Variants in PLXNA4 observed in about 807,000 individuals in gnomAD.
PLXNA4 encodes the protein plexin A4, also known as plexin-A4.
A neutral mutation model predicts 191.8 loss-of-function variants in PLXNA4; 44 were observed. The ratio of observed to expected loss-of-function variants is 0.23; its 90% CI spans 0.18 to 0.29. The LOEUF is 0.29. Ranked by LOEUF, PLXNA4 falls within the 10% of genes least tolerant of loss-of-function variation. The pLI is 1.00. For missense variants in PLXNA4, 1,800 were observed against 2,488.8 expected, an observed-to-expected ratio of 0.72 and a Z score of 5.89; for synonymous variants, 1,082 against 1,009.5, an observed-to-expected ratio of 1.07 and a Z score of -1.36.
At chr7:132,560,266 C>A (rs1465773021) in intron 1 of PLXNA4, among the ~76,000 whole-genome samples, 2 of 152,174 alleles carry the variant, frequency 1.3e-5, no homozygotes, top group Non-Finnish European at 2.9e-5. Flanking sequence ...GGCCCAGGTG[C>A]GCTCTGTTCC....
chr7:132,535,234 T>G (rs1346807212), intron 1 of PLXNA4, among the ~76,000 whole-genome samples: 1 of 152,256 alleles, frequency 6.6e-6, no homozygotes, highest in Non-Finnish European at 1.5e-5. Flanking sequence ...TCATTAATGA[T>G]GAACCTCCCA....
upstream of PLXNA4, among the ~76,000 whole-genome samples, chr7:132,582,292 G>A (rs914893740): frequency 1.5e-4 from 23 of 152,304 alleles, no homozygotes; most frequent in South Asian, 4.1e-4. Flanking sequence ...AGATGGATTC[G>A]TGCTGATGGG....
chr7:132,302,979 C>T lies in PLXNA4; in HGVS notation c.1372-4757G>A, dbSNP rs180928058. 1.1e-4 allele frequency among the ~76,000 whole-genome samples: 16 copies of T among 152,148 alleles called. No homozygotes were observed. In the East Asian group the frequency reaches 1.6e-3, roughly 15 times the overall value. On this transcript the variant is annotated intron_variant, in intron 3 of 31. Transcript: ENST00000321063. The stretch of plus-strand genomic sequence containing the variant: ...GTAACCTCTGCCTCCTGGGTTCAAG[C>T]GATTCTCCTGCCTCAGCCTCCTGAG...
At chr7:132,338,692 T>G (rs146211284) in intron 3 of PLXNA4, among the ~76,000 whole-genome samples, 6 of 152,302 alleles carry the variant, frequency 3.9e-5, no homozygotes, top group Middle Eastern at 3.4e-3. Flanking sequence ...AAATAATTAC[T>G]TAGTGACCAC....
chr7:132,320,103 C>T (rs1015184344), intron 3 of PLXNA4, among the ~76,000 whole-genome samples: 8 of 152,208 alleles, frequency 5.3e-5, no homozygotes, highest in Admixed American at 3.3e-4. Flanking sequence ...TCATACTGGG[C>T]GCTTTTAAGA....
At chr7:132,509,305 C>A (rs1272272836) in intron 1 of PLXNA4, among the ~76,000 whole-genome samples, 1 of 152,184 alleles carries the variant, frequency 6.6e-6, no homozygotes, top group Non-Finnish European at 1.5e-5. Context: ...TCCTGCTGGA[C>A]CCCATCTGGC....
intron 4 of PLXNA4, among the ~76,000 whole-genome samples, chr7:132,292,161 T>C (rs1049151749): frequency 6.6e-6 from 1 of 152,222 alleles, no homozygotes; most frequent in Non-Finnish European, 1.5e-5. Flanking sequence ...CTTCTTTAAC[T>C]ATGGATTCAT....
intron 2 of PLXNA4, among the ~76,000 whole-genome samples, chr7:132,640,756 C>A (rs937561085): frequency 4.1e-5 from 6 of 145,540 alleles, no homozygotes; most frequent in Non-Finnish European, 8.9e-5. Context: ...TTGTGACACA[C>A]CATTGTCTTA....
intron 4 of PLXNA4, among the ~76,000 whole-genome samples, chr7:132,293,715 G>T (rs1800975744): frequency 6.6e-6 from 1 of 152,188 alleles, no homozygotes; most frequent in Admixed American, 6.5e-5. Context: ...TTTACACAGT[G>T]ATCCCTGTTA....
At chr7:132,132,348 A>G (rs1321487924) in intron 31 of PLXNA4, among the ~76,000 whole-genome samples, 2 of 149,838 alleles carry the variant, frequency 1.3e-5, no homozygotes, top group Non-Finnish European at 3.0e-5. Context: ...GGGATTTTCC[A>G]GTGAGGGAAC....
At chr7:132,143,048 C>T (rs1795315892) in intron 29 of PLXNA4, among the ~76,000 whole-genome samples, 1 of 151,682 alleles carries the variant, frequency 6.6e-6, no homozygotes, top group Admixed American at 6.6e-5. Context: ...TGCAGCCACT[C>T]AGGCTAAATG....
intron 3 of PLXNA4, among the ~76,000 whole-genome samples, chr7:132,388,243 C>T (rs1805241884): frequency 1.3e-5 from 2 of 152,158 alleles, no homozygotes; most frequent in Admixed American, 1.3e-4. Context: ...CCTGTCTCAC[C>T]TGCACTGTGA....
chr7:132,290,849 G>A (rs955020520), intron 4 of PLXNA4, among the ~76,000 whole-genome samples: 2 of 152,190 alleles, frequency 1.3e-5, no homozygotes, highest in African/African-American at 4.8e-5. Context: ...TGCTGCAAGA[G>A]CTCACAGAGG....
chr7:132,167,977 A>C (rs530122840), intron 22 of PLXNA4, among the ~76,000 whole-genome samples: 1 of 152,326 alleles, frequency 6.6e-6, no homozygotes, highest in African/African-American at 2.4e-5. Flanking sequence ...GGATGGTCTA[A>C]GTGACCTCTG....
intron 20 of PLXNA4, 104 bp from the exon 21 acceptor site, chr7:132,175,024 A>G (rs1413332604): frequency 6.6e-7 from 1 of 1,512,978 alleles, no homozygotes; most frequent in East Asian, 2.3e-5. Flanking sequence ...AGGAGACATG[A>G]GCAATGGACC....
chr7:132,253,236 T>TC (rs1306504926), intron 4 of PLXNA4, among the ~76,000 whole-genome samples: 163 of 136,442 alleles, frequency 1.2e-3, no homozygotes, highest in African/African-American at 3.5e-3. Context: ...TTTTTTCTTT[T>TC]TTTTTTTTTT....
chr7:132,159,876 C>T (rs1795896914), intron 24 of PLXNA4, among the ~76,000 whole-genome samples: 1 of 152,202 alleles, frequency 6.6e-6, no homozygotes, highest in South Asian at 2.1e-4. Context: ...ACACTTCACT[C>T]CCTGTCAGAA....
At chr7:132,280,528 G>T (rs1340528672) in intron 4 of PLXNA4, among the ~76,000 whole-genome samples, 2 of 152,214 alleles carry the variant, frequency 1.3e-5, no homozygotes, top group African/African-American at 4.8e-5. Context: ...AATGCTGTCT[G>T]CCTGTCTGGG....
rs759164447 is a variant in PLXNA4 at position 132,187,436 on chromosome 7, T to G, written c.2993+35A>C. The G allele has an allele frequency of 5.1e-5, 82 of 1,598,868 alleles. No homozygotes were observed. In the Middle Eastern group the frequency reaches 6.7e-4, roughly 13 times the overall value. ...GTCATTTACCTGTCTAACCTTTCCC[T>G]CTCTGGTGCTGCAGAAAGGGGCCCT... On this transcript the variant is annotated intron_variant, in intron 15 of 31. Transcript: ENST00000321063.
Sources: gnomAD v4.1 joint callset for allele counts (sites outside exome capture counted in the v4.1 genomes callset) on GRCh38, gnomAD v4.1.1 for gene constraint, MANE v1.5 for transcripts, NCBI Gene and HGNC (gene_info 2026-07-23, HGNC 2026-07-21) for gene names.